The following SPATA17 variants were observed in gnomAD, a reference collection of about 807,000 sequenced individuals.
SPATA17 encodes the protein spermatogenesis-associated protein 17.
SPATA17 carries 53 observed loss-of-function variants against 62.2 expected under a neutral mutation model. That is an observed-to-expected ratio of 0.85 (90% CI 0.68 to 1.07). The LOEUF (loss-of-function observed/expected upper bound fraction) is 1.07. Among genes scored for constraint, SPATA17 ranks in the 50% least tolerant of loss-of-function variants. SPATA17 has a pLI of 0.00. For synonymous variants in SPATA17, 146 were observed against 146.8 expected, an observed-to-expected ratio of 0.99 and a Z score of 0.04; for missense variants, 466 against 425.5, an observed-to-expected ratio of 1.10 and a Z score of -0.84.
chr1:217,843,792 C>A (rs1238483254), intron 9 of SPATA17, among the ~76,000 whole-genome samples: 1 of 152,116 alleles, frequency 6.6e-6, no homozygotes, highest in Non-Finnish European at 1.5e-5. Flanking sequence ...CTGGCTTGGG[C>A]CTGCAAGCTG....
At chr1:217,637,299 AGAT>A (rs1347100245) in intron 1 of SPATA17, among the ~76,000 whole-genome samples, 1 of 152,202 alleles carries the variant, frequency 6.6e-6, no homozygotes, top group Non-Finnish European at 1.5e-5. Context: ...AATATAAAGA[AGAT>A]CAAAGATCTA....
chr1:217,801,656 A>T (rs17676037), intron 8 of SPATA17, 62 bp from the exon 9 acceptor site: 53,814 of 1,419,514 alleles, frequency 0.038, 1,167 homozygotes, highest in Middle Eastern at 0.049. Context: ...ACAAAGCCTT[A>T]TTTTAAAAAT....
At chr1:217,843,256 T>C (rs189059595) in intron 9 of SPATA17, among the ~76,000 whole-genome samples, 3 of 152,206 alleles carry the variant, frequency 2.0e-5, no homozygotes, top group Non-Finnish European at 2.9e-5. Context: ...GCAGCCTTAC[T>C]GAGTTTTGAT....
At chr1:217,846,235 A>G (rs1056241097) in intron 9 of SPATA17, among the ~76,000 whole-genome samples, 1 of 152,144 alleles carries the variant, frequency 6.6e-6, no homozygotes, top group African/African-American at 2.4e-5. Flanking sequence ...AGGTAAAAAT[A>G]TGTCAACATA....
chr1:217,819,905 A>G (rs1014419434), intron 9 of SPATA17, among the ~76,000 whole-genome samples: 17 of 152,202 alleles, frequency 1.1e-4, no homozygotes, highest in Middle Eastern at 3.4e-3. Context: ...TTCAACAAAT[A>G]CTGAACACCT....
intron 4 of SPATA17, among the ~76,000 whole-genome samples, chr1:217,676,406 T>C (rs1023415387): frequency 3.3e-5 from 5 of 152,176 alleles, no homozygotes; most frequent in African/African-American, 1.2e-4. Context: ...CATTTATACC[T>C]CTACCGTGCC....
chr1:217,777,008 G>C (rs1329979812), intron 7 of SPATA17, among the ~76,000 whole-genome samples: 5 of 152,138 alleles, frequency 3.3e-5, no homozygotes, highest in Non-Finnish European at 4.4e-5. Flanking sequence ...TTATATTCAA[G>C]GGCAAAAGAC....
intron 9 of SPATA17, among the ~76,000 whole-genome samples, chr1:217,833,068 T>C (rs1474536909): frequency 6.6e-6 from 1 of 152,198 alleles, no homozygotes; most frequent in Non-Finnish European, 1.5e-5. Flanking sequence ...GTTTTTTCAA[T>C]ATATATTTTA....
chr1:217,819,802 G>T (rs1674815666), intron 9 of SPATA17, among the ~76,000 whole-genome samples: 1 of 151,962 alleles, frequency 6.6e-6, no homozygotes, highest in Non-Finnish European at 1.5e-5. Context: ...ATATTATGAT[G>T]TATGGAGAGA....
chr1:217,775,915 C>A (rs1571798272), intron 7 of SPATA17, among the ~76,000 whole-genome samples: 1 of 151,918 alleles, frequency 6.6e-6, no homozygotes, highest in Non-Finnish European at 1.5e-5. Context: ...GGATTATTTC[C>A]TAGAATCTAG....
At chr1:217,843,349 G>T (rs1675453299) in intron 9 of SPATA17, among the ~76,000 whole-genome samples, 1 of 151,934 alleles carries the variant, frequency 6.6e-6, no homozygotes, top group Non-Finnish European at 1.5e-5. Flanking sequence ...AAGCACGGTG[G>T]CTCATGCCTG....
At chr1:217,690,094 G>C (rs1437044429) in intron 5 of SPATA17, among the ~76,000 whole-genome samples, 1 of 151,886 alleles carries the variant, frequency 6.6e-6, no homozygotes, top group Non-Finnish European at 1.5e-5. Context: ...GTAGAGACAG[G>C]GTTTCACCAT....
At chr1:217,712,296 T>C (rs1444436329) in intron 5 of SPATA17, among the ~76,000 whole-genome samples, 2 of 151,946 alleles carry the variant, frequency 1.3e-5, no homozygotes, top group African/African-American at 4.8e-5. Flanking sequence ...CTGGCTAATT[T>C]TGTATTTTTA....
chr1:217,701,359 A>G (rs953562544), intron 5 of SPATA17, among the ~76,000 whole-genome samples: 10 of 151,534 alleles, frequency 6.6e-5, no homozygotes, highest in African/African-American at 2.4e-4. Flanking sequence ...ATATATATAT[A>G]CATTTTTATT....
intron 5 of SPATA17, among the ~76,000 whole-genome samples, chr1:217,709,518 G>A (rs777239376): frequency 6.6e-5 from 10 of 152,298 alleles, no homozygotes; most frequent in Middle Eastern, 3.4e-3. Context: ...TCTCAGGCAA[G>A]TGACTGGAGA....
At position 217,808,346 on chromosome 1, in the gene SPATA17, T is replaced by TAC. The variant is rs751346889; in HGVS notation, c.1005+6531_1005+6532dup. ...GTTTCCTTCACTAACAATTAAAAAA[T>TAC]ACACACACACACACACACACACACA... is the stretch of plus-strand genomic sequence containing the variant. On this transcript the variant is annotated intron_variant, in intron 9 of 10. Transcript: ENST00000366933. Among the ~76,000 whole-genome samples, 506 of 109,004 alleles carry TAC rather than the reference T, an allele frequency of 4.6e-3. 2 individuals are homozygous for TAC. The highest frequency in any genetic ancestry group is 0.013 in the Middle Eastern group (3 of 238). The allele number at this position is 109,004 out of a possible 152,430, so 71.5% of individuals were successfully genotyped here.
At chr1:217,662,270 A>T (rs1670588419) in intron 3 of SPATA17, among the ~76,000 whole-genome samples, 1 of 152,156 alleles carries the variant, frequency 6.6e-6, no homozygotes, top group African/African-American at 2.4e-5. Flanking sequence ...AATTAGTTTG[A>T]TATGAGGTGT....
rs1676087677 is a variant in SPATA17, at chr1:217,869,540, AAT to A, written c.*2524_*2525del. 1 of 152,128 alleles carries A rather than the reference AAT, an allele frequency of 6.6e-6. No individual in the cohort carries two copies. Among genetic ancestry groups the A allele is most frequent in the Non-Finnish European group, 1.5e-5 (1 of 68,034 alleles). 9.4% of individuals were successfully genotyped at this position (152,128 alleles called of 1,614,324 possible). On this transcript the variant is annotated 3_prime_UTR_variant, in exon 11 of 11. Coordinates refer to ENST00000366933, the MANE Select transcript of SPATA17 (RefSeq NM_138796.4). ...AGATAGCTTCGCAGGGCCATTGCAA[AAT>A]ATGTCAAAAATATATATTTTAGGGT...
chr1:217,735,251 C>G (rs1265095251), intron 5 of SPATA17, among the ~76,000 whole-genome samples: 1 of 152,160 alleles, frequency 6.6e-6, no homozygotes, highest in African/African-American at 2.4e-5. Flanking sequence ...ATTTGTTTCT[C>G]ACAGTTCTGG....
Sources: allele counts gnomAD v4.1 joint callset (sites outside exome capture counted in the v4.1 genomes callset), GRCh38; gene constraint gnomAD v4.1.1; transcripts MANE v1.5; gene names NCBI Gene and HGNC (gene_info 2026-07-23, HGNC 2026-07-21).